The following ERBB4 variants were observed in gnomAD, a reference collection of about 807,000 sequenced individuals.
ERBB4 encodes the protein receptor tyrosine-protein kinase erbB-4.
ERBB4 carries 42 observed loss-of-function variants against 158.0 expected under a neutral mutation model. The observed-to-expected ratio is 0.27, with a 90% confidence interval of 0.21 to 0.34. The LOEUF (loss-of-function observed/expected upper bound fraction) is 0.34. Among genes scored for constraint, ERBB4 ranks in the 10% least tolerant of loss-of-function variants. The pLI, the probability that ERBB4 is intolerant of heterozygous loss-of-function variation, is 1.00. For synonymous variants in ERBB4, 583 were observed against 558.7 expected (o/e 1.04, Z -0.61); for missense variants, 1,333 against 1,624.1 (o/e 0.82, Z 3.08).
rs112350464 is a variant in ERBB4, at chr2:211,787,843, T to A, written c.556+182A>T. Among the ~76,000 whole-genome samples, 1,135 of 152,256 alleles carry A rather than the reference T, an allele frequency of 7.5e-3. 9 individuals carry two copies. Among genetic ancestry groups the A allele is most frequent in the South Asian group, 0.031 (151 of 4,824 alleles). The stretch of plus-strand genomic sequence containing the variant: ...GAATTTGTGAAGAGGAAACATGATT[T>A]CCAAAAGAGAATTAGCTAGAAGTAA... On this transcript the variant is annotated intron_variant, in intron 4 of 27. Transcript: ENST00000342788.
intron 3 of ERBB4, among the ~76,000 whole-genome samples, chr2:211,910,213 G>A (rs1261780152): frequency 3.3e-5 from 5 of 151,326 alleles, no homozygotes. Context: ...TACCATGCCT[G>A]GCCAACTTTA....
intron 20 of ERBB4, among the ~76,000 whole-genome samples, chr2:211,521,566 T>G (rs535791647): frequency 2.6e-5 from 4 of 152,148 alleles, no homozygotes; most frequent in Admixed American, 6.5e-5. Context: ...GCTAAGATAA[T>G]TGATGAAGGT....
chr2:211,779,027 AG>A (rs1377632760), intron 4 of ERBB4: 4 of 152,288 alleles, frequency 2.6e-5, no homozygotes, highest in Non-Finnish European at 4.4e-5. Context: ...TCTGGAAAAA[AG>A]GAATCGTTTG....
At chr2:211,585,218 A>G (rs931350372) in intron 19 of ERBB4, among the ~76,000 whole-genome samples, 10 of 151,936 alleles carry the variant, frequency 6.6e-5, no homozygotes, top group African/African-American at 1.9e-4. Flanking sequence ...TGGGCGTGGC[A>G]GCGGGAGCCT....
intron 19 of ERBB4, among the ~76,000 whole-genome samples, chr2:211,579,756 C>T (rs1442651618): frequency 6.7e-6 from 1 of 150,076 alleles, no homozygotes; most frequent in African/African-American, 2.4e-5. Flanking sequence ...GATGAGAACA[C>T]ATAGACACAG....
chr2:212,088,613 C>T (rs2078684218), intron 2 of ERBB4, among the ~76,000 whole-genome samples: 1 of 152,132 alleles, frequency 6.6e-6, no homozygotes, highest in South Asian at 2.1e-4. Context: ...TCATTACCCA[C>T]TTCTTTGTGG....
chr2:211,878,657 G>GGTTTT (rs2078577628), intron 3 of ERBB4, among the ~76,000 whole-genome samples: 4 of 133,882 alleles, frequency 3.0e-5, no homozygotes, highest in South Asian at 4.5e-4. Flanking sequence ...ATTAAGTTTT[G>GGTTTT]TTTTTTTTTT....
intron 1 of ERBB4, among the ~76,000 whole-genome samples, chr2:212,262,134 A>T (rs917806294): frequency 2.6e-5 from 4 of 152,110 alleles, no homozygotes; most frequent in African/African-American, 9.7e-5. Context: ...CATGATGAAG[A>T]TTTTGCAAAA....
At chr2:211,619,633 C>G (rs2069522781) in intron 18 of ERBB4, among the ~76,000 whole-genome samples, 1 of 152,162 alleles carries the variant, frequency 6.6e-6, no homozygotes, top group African/African-American at 2.4e-5. Context: ...GGTTGCTCTA[C>G]TTTTTGAAGC....
chr2:211,890,177 G>A (rs2078924837), intron 3 of ERBB4, among the ~76,000 whole-genome samples: 1 of 83,056 alleles, frequency 1.2e-5, no homozygotes. Flanking sequence ...TACCCTCAAA[G>A]GGAAGCCCAT....
At chr2:212,364,822 G>T (rs991925408) in intron 1 of ERBB4, among the ~76,000 whole-genome samples, 4 of 151,510 alleles carry the variant, frequency 2.6e-5, no homozygotes, top group Non-Finnish European at 4.4e-5. Context: ...ATCCATTCAG[G>T]ATCACTTATT....
intron 1 of ERBB4, among the ~76,000 whole-genome samples, chr2:212,403,390 C>T (rs1423705636): frequency 6.6e-6 from 1 of 152,044 alleles, no homozygotes; most frequent in African/African-American, 2.4e-5. Context: ...AGTCTCACTG[C>T]TGCATATCAA....
intron 4 of ERBB4, among the ~76,000 whole-genome samples, chr2:211,758,798 A>C (rs190312752): frequency 1.3e-5 from 2 of 152,342 alleles, no homozygotes; most frequent in East Asian, 3.9e-4. Flanking sequence ...CTGTTCAGCT[A>C]TATGTAGTGG....
chr2:211,864,268 C>T (rs759808888), intron 3 of ERBB4, among the ~76,000 whole-genome samples: 4 of 152,174 alleles, frequency 2.6e-5, no homozygotes, highest in African/African-American at 9.7e-5. Flanking sequence ...TGGCATCTGG[C>T]CCTTAATCCT....
At chr2:212,163,125 A>C (rs912333810) in intron 1 of ERBB4, among the ~76,000 whole-genome samples, 6 of 151,940 alleles carry the variant, frequency 3.9e-5, no homozygotes, top group African/African-American at 1.2e-4. Context: ...ATTTTATGGC[A>C]TGTTTTTTGC....
At chr2:211,850,506 G>A (rs1559573468) in intron 3 of ERBB4, among the ~76,000 whole-genome samples, 1 of 151,842 alleles carries the variant, frequency 6.6e-6, no homozygotes, top group Non-Finnish European at 1.5e-5. Flanking sequence ...ATATTTAGAA[G>A]TATATTAAAC....
intron 1 of ERBB4, among the ~76,000 whole-genome samples, chr2:212,199,351 T>G (rs1048629453): frequency 6.6e-6 from 1 of 152,198 alleles, no homozygotes; most frequent in Non-Finnish European, 1.5e-5. Flanking sequence ...CAGCTTCTTA[T>G]AATTTGAATG....
intron 20 of ERBB4, among the ~76,000 whole-genome samples, chr2:211,502,757 C>G (rs971331907): frequency 1.3e-5 from 2 of 152,052 alleles, no homozygotes; most frequent in Middle Eastern, 3.2e-3. Flanking sequence ...TATGGAAAAT[C>G]TCTAGCTTTA....
chr2:212,306,178 T>C (rs2086802809), intron 1 of ERBB4, among the ~76,000 whole-genome samples: 3 of 151,412 alleles, frequency 2.0e-5, no homozygotes. Flanking sequence ...TTTTATTTGA[T>C]TTTCATATAA....
Sources: gnomAD v4.1 joint callset for allele counts (sites outside exome capture counted in the v4.1 genomes callset) on GRCh38, gnomAD v4.1.1 for gene constraint, MANE v1.5 for transcripts, NCBI Gene and HGNC (gene_info 2026-07-23, HGNC 2026-07-21) for gene names.